TCTN2: variants seen among roughly 807,000 people sequenced by gnomAD.
The protein encoded by TCTN2 is tectonic-2.
A neutral mutation model predicts 83.4 loss-of-function variants in TCTN2; 66 were observed. The observed-to-expected ratio is 0.79, with a 90% CI of 0.65 to 0.97. TCTN2 has a LOEUF of 0.97. TCTN2 is among the 50% of genes least tolerant of loss of function. The probability of loss-of-function intolerance (pLI) is 0.00; values close to 1 mark genes in which losing one functional copy is unlikely to be tolerated. For missense variants in TCTN2, 794 were observed against 858.1 expected (o/e 0.93, Z 0.93); for synonymous variants, 301 against 326.7 (o/e 0.92, Z 0.85).
chr12:123,679,736 GTTTTTTT>G (rs768949387), intron 5 of TCTN2, among the ~76,000 whole-genome samples: 1 of 105,742 alleles, frequency 9.5e-6, no homozygotes. Context: ...TTCAAATTGA[GTTTTTTT>G]TTTTTTTTTT....
chr12:123,681,256 C>CAAAAAAAAAAAA (rs71088946), intron 5 of TCTN2, among the ~76,000 whole-genome samples: 4 of 142,822 alleles, frequency 2.8e-5, no homozygotes, highest in Non-Finnish European at 6.1e-5. Flanking sequence ...GACTCTCTTT[C>CAAAAAAAAAAAA]AAAAAAAAAG....
chr12:123,671,654 C>A (rs563915152), intron 2 of TCTN2, 40 bp downstream of exon 2: 3 of 1,573,632 alleles, frequency 1.9e-6, no homozygotes, highest in Admixed American at 1.7e-5. Flanking sequence ...GGGGGTTGGA[C>A]TGGATCCAGA....
At chr12:123,691,792 C>T (rs1478372112) in intron 8 of TCTN2, among the ~76,000 whole-genome samples, 5 of 150,470 alleles carry the variant, frequency 3.3e-5, no homozygotes, top group African/African-American at 7.4e-5. Flanking sequence ...AGTGCAGTGA[C>T]GTGATCTCGG....
intron 5 of TCTN2, among the ~76,000 whole-genome samples, chr12:123,681,864 G>T (rs7974279): frequency 0.42 from 63,462 of 152,046 alleles, 14,197 homozygotes; most frequent in African/African-American, 0.56. Flanking sequence ...TGTATGTGGG[G>T]TATAATTTCT....
At chr12:123,686,326 C>T (rs1191951838) in intron 5 of TCTN2, among the ~76,000 whole-genome samples, 3 of 152,096 alleles carry the variant, frequency 2.0e-5, no homozygotes, top group Non-Finnish European at 2.9e-5. Flanking sequence ...GGATTACAGG[C>T]GTGAGCCCCT....
At chr12:123,676,566 TAAAAAAAAAAAA>T (rs60100973) in intron 4 of TCTN2, among the ~76,000 whole-genome samples, 2 of 60,722 alleles carry the variant, frequency 3.3e-5, no homozygotes, top group South Asian at 1.5e-3. Context: ...AGACTCCATC[TAAAAAAAAAAAA>T]AAAAAAAAAA....
chr12:123,671,728 G>C, intron 2 of TCTN2, 114 bp downstream of exon 2: 1 of 880,300 alleles, frequency 1.1e-6, no homozygotes, highest in Non-Finnish European at 1.8e-6. Flanking sequence ...CTGCAAAGTC[G>C]CATGGGGAGA....
At chr12:123,697,062 A>G in intron 12 of TCTN2, 25 bp from the exon 13 acceptor site, 3 of 1,564,946 alleles carry the variant, frequency 1.9e-6, no homozygotes, top group Non-Finnish European at 2.6e-6. Context: ...AAAAGTAGCA[A>G]GAGGATAATC....
intron 17 of TCTN2, 91 bp from the exon 18 acceptor site, chr12:123,707,513 C>T: frequency 8.1e-7 from 1 of 1,230,834 alleles, no homozygotes; most frequent in Non-Finnish European, 1.2e-6. Context: ...GTTAGGATTA[C>T]AGGAGTGAGC....
chr12:123,707,056 G>C lies in TCTN2; in HGVS notation c.1967G>C (p.Trp656Ser), dbSNP rs200159224. The C allele has an allele frequency of 4.7e-5, 76 of 1,613,264 alleles. No individual in the cohort carries two copies. The highest frequency in any genetic ancestry group is 6.2e-5 in the Non-Finnish European group (73 of 1,179,894). ...TGTTGGCCGCAGCTTCTATATCCATGGACTCAGTATTATCAAGGTAGGGTG... is the reference window on the plus strand; with the variant it reads ...TGTTGGCCGCAGCTTCTATATCCATCGACTCAGTATTATCAAGGTAGGGTG... ...EVCWPQLLYP[W>S]TQYYQGELHS... The change falls in exon 17 of 18, where the codon TGG becomes TCG. Residue 656 changes from tryptophan to serine, a missense_variant. Transcript: ENST00000303372.
chr12:123,692,815 T>G, intron 9 of TCTN2, 92 bp downstream of exon 9: 1 of 1,049,438 alleles, frequency 9.5e-7, no homozygotes, highest in Non-Finnish European at 1.5e-6. Flanking sequence ...ATATTTTTGT[T>G]AGTCATTTAA....
rs192310022 is a variant in TCTN2, at chr12:123,679,151, T to C, written c.464-38T>C. The C allele has an allele frequency of 1.0e-5, 16 of 1,545,742 alleles. No homozygotes were observed. In the Admixed American group the frequency reaches 2.5e-4, roughly 24 times the overall value. On this transcript the variant is annotated intron_variant, in intron 4 of 17. Coordinates refer to ENST00000303372, the MANE Select transcript of TCTN2 (RefSeq NM_024809.5). The stretch of plus-strand genomic sequence containing the variant: ...AATGTGACTGTGCTTTGTCGGAATG[T>C]TTCTTAGCTGAATTTTTCTGTTGTG...
chr12:123,697,037 T>C, intron 12 of TCTN2, 50 bp from the exon 13 acceptor site: 1 of 1,433,300 alleles, frequency 7.0e-7, no homozygotes, highest in Non-Finnish European at 9.8e-7. Flanking sequence ...AGTTAATCTT[T>C]ACTTTTGTTT....
In TCTN2 at chr12:123,697,140, A is replaced by C; in HGVS notation, c.1447A>C (p.Asn483His). 1 of 1,614,084 alleles carries C rather than the reference A, an allele frequency of 6.2e-7. No homozygotes were observed. Among genetic ancestry groups the C allele is most frequent in the Non-Finnish European group, 8.5e-7 (1 of 1,179,998 alleles). Reference protein sequence around the residue: ...ATFKPILFGENVLSGCLLEVG... With the variant: ...ATFKPILFGEHVLSGCLLEVG... ...TTTCAAACCCATTTTATTTGGAGAA[A>C]ATGTACTCTCTGGATGCCTGTTAGA... The change falls in exon 13 of 18, where the codon AAT becomes CAT. Residue 483 changes from asparagine (N) to histidine (H), a missense_variant. Coordinates refer to ENST00000303372, the MANE Select transcript of TCTN2 (RefSeq NM_024809.5).
chr12:123,695,301 A>G lies in TCTN2; in HGVS notation c.1312+4A>G. Reference sequence around the variant, plus strand: ...GAAGAATTATCTGGAAATCCAGGTAAGATGAGTATATGCCAGTCATTGATC... The same window carrying G: ...GAAGAATTATCTGGAAATCCAGGTAGGATGAGTATATGCCAGTCATTGATC... On this transcript the variant is annotated splice_donor_region_variant and intron_variant, in intron 11 of 17. Transcript: ENST00000303372. 4 of 1,557,622 alleles carry G rather than the reference A, an allele frequency of 2.6e-6. No individual in the cohort carries two copies. The highest frequency in any genetic ancestry group is 3.5e-6 in the Non-Finnish European group (4 of 1,128,714).
At chr12:123,682,704 A>T (rs574300648) in intron 5 of TCTN2, among the ~76,000 whole-genome samples, 1 of 150,826 alleles carries the variant, frequency 6.6e-6, no homozygotes, top group South Asian at 2.1e-4. Context: ...CTGGTCTCGA[A>T]CTCCTGACCA....
At chr12:123,682,501 G>C (rs891451964) in intron 5 of TCTN2, among the ~76,000 whole-genome samples, 1 of 151,568 alleles carries the variant, frequency 6.6e-6, no homozygotes, top group Non-Finnish European at 1.5e-5. Flanking sequence ...TATTTTTTGA[G>C]ATGGAGTTTC....
At chr12:123,705,991 G>C (rs1375356934) in intron 15 of TCTN2, among the ~76,000 whole-genome samples, 2 of 151,776 alleles carry the variant, frequency 1.3e-5, no homozygotes, top group Non-Finnish European at 2.9e-5. Context: ...CCCAACCTGA[G>C]GTGATCTGCC....
intron 5 of TCTN2, among the ~76,000 whole-genome samples, chr12:123,685,066 G>C (rs1376024983): frequency 6.7e-6 from 1 of 150,004 alleles, no homozygotes; most frequent in Non-Finnish European, 1.5e-5. Context: ...AAAAAAAAAA[G>C]AGTAAAGTAC....
Sources: allele counts gnomAD v4.1 joint callset (sites outside exome capture counted in the v4.1 genomes callset), GRCh38; gene constraint gnomAD v4.1.1; transcripts MANE v1.5; gene names NCBI Gene and HGNC (gene_info 2026-07-23, HGNC 2026-07-21).